The following THSD7A variants were observed in gnomAD, a reference collection of about 807,000 sequenced individuals.
THSD7A encodes thrombospondin type 1 domain containing 7A, also known as thrombospondin type-1 domain-containing protein 7A.
THSD7A carries 96 observed loss-of-function variants against 231.3 expected under a neutral mutation model. That is an observed-to-expected ratio of 0.41 (90% CI 0.35 to 0.49). The LOEUF is 0.49. THSD7A is among the 20% of genes least tolerant of loss of function. The pLI is 0.05. For synonymous variants in THSD7A, 940 were observed against 743.3 expected (o/e 1.26, Z -4.30); for missense variants, 2,290 against 2,070.2 (o/e 1.11, Z -2.06).
intron 1 of THSD7A, among the ~76,000 whole-genome samples, chr7:11,659,553 A>G (rs958082695): frequency 2.0e-5 from 3 of 151,458 alleles, no homozygotes; most frequent in African/African-American, 7.3e-5. Flanking sequence ...TATTTATAAT[A>G]ATAGATATTA....
Position 11,832,048 on chromosome 7 carries a change from C to T in THSD7A, c.-102G>A. The T allele has an allele frequency of 1.3e-6, 1 of 769,012 alleles. No individual in the cohort carries two copies. The highest frequency in any genetic ancestry group is 1.7e-6 in the Non-Finnish European group (1 of 577,814). The allele number at this position is 769,012 out of a possible 1,614,324, so 47.6% of individuals were successfully genotyped here. On this transcript the variant is annotated 5_prime_UTR_variant, in exon 1 of 28. Coordinates refer to ENST00000423059, the MANE Select transcript of THSD7A (RefSeq NM_015204.3). ...TTCAAAGAGTACAGAAAGCAAAGCT[C>T]TTTCCTGCTATTGTTCGCTTCAGAT... is the stretch of plus-strand genomic sequence containing the variant.
intron 2 of THSD7A, among the ~76,000 whole-genome samples, chr7:11,624,845 T>C (rs1048056500): frequency 4.6e-5 from 7 of 152,170 alleles, no homozygotes; most frequent in African/African-American, 1.4e-4. Context: ...GATAAGGCTT[T>C]ATACAGAATT....
At chr7:11,402,362 T>G (rs1783435979) in intron 22 of THSD7A, among the ~76,000 whole-genome samples, 5 of 152,228 alleles carry the variant, frequency 3.3e-5, no homozygotes, top group African/African-American at 1.2e-4. Flanking sequence ...ATAAACAGAA[T>G]TAGTCTTCTA....
intron 2 of THSD7A, among the ~76,000 whole-genome samples, chr7:11,611,047 A>G (rs1780904600): frequency 6.6e-6 from 1 of 152,196 alleles, no homozygotes; most frequent in Non-Finnish European, 1.5e-5. Context: ...AGTTCAAGTT[A>G]TAAATTAAAG....
intron 23 of THSD7A, among the ~76,000 whole-genome samples, chr7:11,397,272 C>A (rs1312773892): frequency 6.6e-6 from 1 of 152,120 alleles, no homozygotes; most frequent in Non-Finnish European, 1.5e-5. Context: ...ACATCTACAA[C>A]CATCTGATCT....
chr7:11,729,684 T>C (rs1526558), intron 1 of THSD7A, among the ~76,000 whole-genome samples: 63,403 of 151,366 alleles, frequency 0.42, 13,917 homozygotes, highest in African/African-American at 0.55. Flanking sequence ...AAGATTGAAC[T>C]GTTGCCTTTT....
In THSD7A at chr7:11,453,018, TTTTC is replaced by T. The variant is rs1785193932; in HGVS notation, c.2606-5598_2606-5595del. Among the ~76,000 whole-genome samples the T allele has an allele frequency of 2.0e-5, 3 of 151,930 alleles. No homozygotes were observed. In the South Asian group the frequency reaches 6.2e-4, roughly 31 times the overall value. On this transcript the variant is annotated intron_variant, in intron 11 of 27. Coordinates refer to ENST00000423059, the MANE Select transcript of THSD7A (RefSeq NM_015204.3). ...CCTACCTAGTTCTTTTTCCACTTCT[TTTTC>T]TTTCTATTGAAGAACTCTCTTTTGA...
chr7:11,553,092 T>C (rs1249567892), intron 4 of THSD7A, among the ~76,000 whole-genome samples: 1 of 152,110 alleles, frequency 6.6e-6, no homozygotes, highest in East Asian at 1.9e-4. Context: ...TCCCAGGGTA[T>C]ATACCCCAGA....
chr7:11,626,942 T>A (rs1469825718), intron 2 of THSD7A, among the ~76,000 whole-genome samples: 1 of 152,170 alleles, frequency 6.6e-6, no homozygotes, highest in East Asian at 1.9e-4. Context: ...TTTTACATGT[T>A]CTGGTTATTT....
intron 1 of THSD7A, among the ~76,000 whole-genome samples, chr7:11,823,107 T>C (rs1276478946): frequency 6.6e-6 from 1 of 152,056 alleles, no homozygotes; most frequent in African/African-American, 2.4e-5. Context: ...AAGATGTTAA[T>C]CCCTCTTGGG....
intron 19 of THSD7A, among the ~76,000 whole-genome samples, chr7:11,410,177 G>T (rs1783731551): frequency 6.6e-6 from 1 of 152,212 alleles, no homozygotes; most frequent in African/African-American, 2.4e-5. Context: ...CAAGGTTATT[G>T]CAGGAGGCAT....
At chr7:11,560,843 A>T (rs1790047766) in intron 4 of THSD7A, among the ~76,000 whole-genome samples, 1 of 152,196 alleles carries the variant, frequency 6.6e-6, no homozygotes, top group Non-Finnish European at 1.5e-5. Context: ...AAAGAAAAAC[A>T]AGGAATTACA....
At chr7:11,602,764 A>AAG (rs1780594433) in intron 2 of THSD7A, among the ~76,000 whole-genome samples, 1 of 151,848 alleles carries the variant, frequency 6.6e-6, no homozygotes, top group African/African-American at 2.4e-5. Context: ...GCACAAAAAG[A>AAG]AGATGATATT....
chr7:11,704,684 G>A (rs1780708290), intron 1 of THSD7A, among the ~76,000 whole-genome samples: 1 of 150,894 alleles, frequency 6.6e-6, no homozygotes, highest in Non-Finnish European at 1.5e-5. Flanking sequence ...AGGCTAACCT[G>A]GGGTCCACGA....
At chr7:11,408,577 A>T (rs1404436875) in intron 19 of THSD7A, among the ~76,000 whole-genome samples, 1 of 152,160 alleles carries the variant, frequency 6.6e-6, no homozygotes, top group African/African-American at 2.4e-5. Flanking sequence ...ATAAGTTTTT[A>T]AAACTAGTAA....
chr7:11,494,622 TA>T (rs1398607926), intron 6 of THSD7A, among the ~76,000 whole-genome samples: 1 of 152,050 alleles, frequency 6.6e-6, no homozygotes, highest in Non-Finnish European at 1.5e-5. Flanking sequence ...AAGTGGGAAG[TA>T]AAATCACATT....
intron 4 of THSD7A, among the ~76,000 whole-genome samples, chr7:11,588,057 G>A (rs888854346): frequency 2.0e-5 from 3 of 152,144 alleles, no homozygotes; most frequent in African/African-American, 7.2e-5. Context: ...ACACAGTCAT[G>A]GATTCTTGAA....
At chr7:11,678,679 A>G (rs925691762) in intron 1 of THSD7A, among the ~76,000 whole-genome samples, 1 of 152,176 alleles carries the variant, frequency 6.6e-6, no homozygotes, top group Admixed American at 6.5e-5. Flanking sequence ...GACCAGTAAC[A>G]AGTTCTGAAA....
intron 23 of THSD7A, among the ~76,000 whole-genome samples, chr7:11,394,839 G>A (rs1282903278): frequency 6.6e-6 from 1 of 151,998 alleles, no homozygotes; most frequent in Admixed American, 6.5e-5. Flanking sequence ...GCCAGGGTCT[G>A]TGGGACAGAC....
Sources: gnomAD v4.1 joint callset for allele counts (sites outside exome capture counted in the v4.1 genomes callset) on GRCh38, gnomAD v4.1.1 for gene constraint, MANE v1.5 for transcripts, NCBI Gene and HGNC (gene_info 2026-07-23, HGNC 2026-07-21) for gene names.